Variants in KPNA7 observed in about 807,000 individuals in gnomAD.
The protein encoded by KPNA7 is importin subunit alpha-8.
A neutral mutation model predicts 53.7 loss-of-function variants in KPNA7; 54 were observed. The ratio of observed to expected loss-of-function variants is 1.01; its 90% confidence interval spans 0.81 to 1.26. The LOEUF (loss-of-function observed/expected upper bound fraction) is 1.26. Among genes scored for constraint, KPNA7 ranks in the 50% most tolerant of loss-of-function variants. The pLI is 0.00. For synonymous variants in KPNA7, 276 were observed against 259.3 expected (o/e 1.06, Z -0.62); for missense variants, 640 against 644.5 (o/e 0.99, Z 0.07).
intron 3 of KPNA7, among the ~76,000 whole-genome samples, chr7:99,202,654 G>A (rs1375728970): frequency 6.6e-6 from 1 of 151,904 alleles, no homozygotes; most frequent in African/African-American, 2.4e-5. Flanking sequence ...AGACCCTCCT[G>A]GTAAACATGG....
intron 3 of KPNA7, among the ~76,000 whole-genome samples, chr7:99,201,699 A>C (rs963455500): frequency 6.0e-5 from 9 of 150,950 alleles, no homozygotes; most frequent in African/African-American, 2.2e-4. Context: ...AAAGAAAAAC[A>C]ACTTTTTGGG....
chr7:99,168,654 C>T (rs1798717519), downstream of KPNA7, among the ~76,000 whole-genome samples: 1 of 152,038 alleles, frequency 6.6e-6, no homozygotes. Flanking sequence ...AGGGACTGCC[C>T]CATCCAGCTA....
intron 2 of KPNA7, among the ~76,000 whole-genome samples, chr7:99,205,603 A>T (rs1299432476): frequency 6.6e-6 from 1 of 152,150 alleles, no homozygotes; most frequent in East Asian, 1.9e-4. Flanking sequence ...TAATCCCAGC[A>T]CTTTGGGAGG....
chr7:99,197,101 A>C (rs576931142), intron 3 of KPNA7, among the ~76,000 whole-genome samples: 1 of 152,330 alleles, frequency 6.6e-6, no homozygotes, highest in South Asian at 2.1e-4. Context: ...AGCTCTGTGC[A>C]AACAGGAAGT....
At position 99,178,036 on chromosome 7, in the gene KPNA7, G is replaced by A. The variant is rs776187084; in HGVS notation, c.1348C>T (p.Leu450=). 3.2e-6 allele frequency: 5 copies of A among 1,551,660 alleles called. No homozygotes were observed. The South Asian group carries it at 5.9e-5, about 18-fold the overall frequency. Residue 450 remains leucine, a synonymous_variant, in exon 10 of 11, where the codon CTG becomes TTG. Transcript: ENST00000327442. ...CCAAGTTCTTCTATCAGAAGACACA[G>A]GTTTTCCTTCTCAGACCGTTTCTCT... ...AAEKRSEKEN[L]CLLIEELGGI... is the part of the protein sequence containing the mutation.
At chr7:99,149,247 G>C in the KPNA7 span, among the ~76,000 whole-genome samples, 1 of 151,986 alleles carries the variant, frequency 6.6e-6, no homozygotes, top group Non-Finnish European at 1.5e-5. Context: ...ATGATGTCGA[G>C]CATATCCTGC....
chr7:99,184,401 T>C (rs1482998983), intron 8 of KPNA7, among the ~76,000 whole-genome samples: 1 of 152,118 alleles, frequency 6.6e-6, no homozygotes, highest in African/African-American at 2.4e-5. Flanking sequence ...GAACTCAATC[T>C]ATCCACCTGA....
chr7:99,202,155 T>C (rs1011565839), intron 3 of KPNA7, among the ~76,000 whole-genome samples: 1 of 152,124 alleles, frequency 6.6e-6, no homozygotes, highest in African/African-American at 2.4e-5. Flanking sequence ...GAACACATCA[T>C]TGGACCCAAT....
chr7:99,171,595 C>A (rs1433838810), downstream of KPNA7, among the ~76,000 whole-genome samples: 3 of 151,994 alleles, frequency 2.0e-5, no homozygotes. Context: ...ATTTTAAAAG[C>A]CAAATTAATT....
the KPNA7 span, among the ~76,000 whole-genome samples, chr7:99,161,220 AAACTCTCTCTCTCTCT>A: frequency 2.3e-5 from 2 of 85,690 alleles, no homozygotes; most frequent in Admixed American, 1.4e-4. Context: ...CCATGTACAC[AAACTCTCTCTCTCTCT>A]CTCTCTCTCT....
chr7:99,195,045 T>C, intron 5 of KPNA7, 25 bp downstream of exon 5: 1 of 1,547,780 alleles, frequency 6.5e-7, no homozygotes, highest in Non-Finnish European at 8.7e-7. Context: ...CCCGTTTTCT[T>C]AGCCCACTAA....
chr7:99,199,469 C>A (rs1790404871), intron 3 of KPNA7, among the ~76,000 whole-genome samples: 1 of 152,062 alleles, frequency 6.6e-6, no homozygotes, highest in Non-Finnish European at 1.5e-5. Context: ...ATTTTTTTGA[C>A]AAAGGTACCA....
the KPNA7 span, among the ~76,000 whole-genome samples, chr7:99,166,701 G>C: frequency 0.012 from 1,783 of 151,978 alleles, 34 homozygotes; most frequent in African/African-American, 0.041. Flanking sequence ...CTGACTGCAA[G>C]GTCTGCCTCC....
At chr7:99,187,396 TTG>T (rs1789650883) in intron 7 of KPNA7, among the ~76,000 whole-genome samples, 1 of 151,070 alleles carries the variant, frequency 6.6e-6, no homozygotes, top group Non-Finnish European at 1.5e-5. Flanking sequence ...GGATAATGGG[TTG>T]TTTTTTTTTT....
chr7:99,184,568 T>C (rs766846062), intron 8 of KPNA7, among the ~76,000 whole-genome samples: 2 of 152,194 alleles, frequency 1.3e-5, no homozygotes, highest in African/African-American at 4.8e-5. Context: ...TAGCATGATA[T>C]GTTTTTCCTC....
intron 9 of KPNA7, among the ~76,000 whole-genome samples, chr7:99,180,852 C>T (rs866112956): frequency 1.1e-4 from 3 of 28,532 alleles, no homozygotes; most frequent in East Asian, 1.4e-3. Flanking sequence ...TCTCTCTCTC[C>T]CCGTCTGTGT....
At chr7:99,166,157 C>A in the KPNA7 span, among the ~76,000 whole-genome samples, 2 of 152,130 alleles carry the variant, frequency 1.3e-5, no homozygotes, top group South Asian at 4.1e-4. Context: ...AACATCTTTT[C>A]TTTATAAACC....
intron 10 of KPNA7, among the ~76,000 whole-genome samples, chr7:99,176,687 C>T (rs903904209): frequency 6.6e-6 from 1 of 151,950 alleles, no homozygotes; most frequent in Non-Finnish European, 1.5e-5. Context: ...CCAACCTAGG[C>T]AACATGGTGA....
chr7:99,199,564 C>T (rs1312657010), intron 3 of KPNA7, among the ~76,000 whole-genome samples: 1 of 152,104 alleles, frequency 6.6e-6, no homozygotes, highest in Non-Finnish European at 1.5e-5. Context: ...AGTTGGACTC[C>T]CATTCTCACC....
Sources: gnomAD v4.1 joint callset for allele counts (sites outside exome capture counted in the v4.1 genomes callset) on GRCh38, gnomAD v4.1.1 for gene constraint, MANE v1.5 for transcripts, NCBI Gene and HGNC (gene_info 2026-07-23, HGNC 2026-07-21) for gene names.